IFT140: variants seen among roughly 807,000 people sequenced by gnomAD.
IFT140 encodes intraflagellar transport protein 140 homolog.
Under a neutral mutation model 164.6 loss-of-function variants are expected in IFT140, and 133 were observed. The observed-to-expected ratio is 0.81, with a 90% CI of 0.70 to 0.93. IFT140 has a LOEUF of 0.93. IFT140 is among the 40% of genes least tolerant of loss of function. IFT140 has a pLI of 0.00. For synonymous variants in IFT140, 860 were observed against 817.3 expected, an observed-to-expected ratio of 1.05 and a Z score of -0.89; for missense variants, 2,045 against 1,972.3, an observed-to-expected ratio of 1.04 and a Z score of -0.70.
At chr16:1,594,847 C>A (rs555266558) in intron 4 of IFT140, among the ~76,000 whole-genome samples, 1 of 152,324 alleles carries the variant, frequency 6.6e-6, no homozygotes, top group African/African-American at 2.4e-5. Context: ...CGCTTCCTGG[C>A]CCAAAACTGG....
At chr16:1,528,331 G>A (rs962985091) in intron 19 of IFT140, among the ~76,000 whole-genome samples, 30 of 102,778 alleles carry the variant, frequency 2.9e-4, no homozygotes, top group Non-Finnish European at 5.7e-4. Context: ...ATGCACGCAC[G>A]TGTGCACACA....
At chr16:1,560,761 A>T (rs543658498) in intron 18 of IFT140, among the ~76,000 whole-genome samples, 1 of 152,202 alleles carries the variant, frequency 6.6e-6, no homozygotes, top group Non-Finnish European at 1.5e-5. Context: ...AGAAAATTAG[A>T]AAAGTACAGA....
At chr16:1,512,580 G>A (rs1596284410) in intron 30 of IFT140, among the ~76,000 whole-genome samples, 1 of 152,134 alleles carries the variant, frequency 6.6e-6, no homozygotes, top group Non-Finnish European at 1.5e-5. Context: ...TAATTTTGAG[G>A]ATATAGCAGT....
At chr16:1,554,885 G>A (rs372363605) in intron 19 of IFT140, 6 of 1,614,106 alleles carry the variant, frequency 3.7e-6, no homozygotes, top group East Asian at 2.2e-5. Flanking sequence ...TTCTGGCCAC[G>A]CTGGCGGCAG....
intron 3 of IFT140, among the ~76,000 whole-genome samples, chr16:1,606,269 C>G (rs144595678): frequency 3.9e-5 from 6 of 152,234 alleles, no homozygotes; most frequent in Admixed American, 1.3e-4. Context: ...CCTCAGGATC[C>G]ACAAACAGCA....
chr16:1,521,875 A>G (rs1250863434), intron 26 of IFT140, among the ~76,000 whole-genome samples: 2 of 149,118 alleles, frequency 1.3e-5, no homozygotes, highest in Non-Finnish European at 3.0e-5. Flanking sequence ...AAAAAACAGT[A>G]ATAACCCACA....
chr16:1,606,975 CACAT>C, intron 3 of IFT140, 141 bp downstream of exon 3: 1 of 789,706 alleles, frequency 1.3e-6, no homozygotes. Context: ...CACACCAATA[CACAT>C]ACACGCACAC....
chr16:1,602,657 C>T, intron 3 of IFT140, 66 bp from the exon 4 acceptor site: 1 of 1,481,904 alleles, frequency 6.7e-7, no homozygotes, highest in East Asian at 2.3e-5. Context: ...GAACTTCTGT[C>T]TAGGCCGGGC....
Position 1,523,704 on chromosome 16 carries a change from C to T in IFT140, c.3271-4G>A, listed in dbSNP as rs200815296. The T allele has an allele frequency of 2.3e-4, 374 of 1,612,474 alleles. No individual in the cohort carries two copies. The highest frequency in any genetic ancestry group is 6.7e-4 in the Admixed American group (40 of 60,002). On this transcript the variant is annotated splice_polypyrimidine_tract_variant and splice_region_variant and intron_variant, in intron 25 of 30. Coordinates refer to ENST00000426508, the MANE Select transcript of IFT140 (RefSeq NM_014714.4). ...GGGCCTTGGAGAAGTGGCCAGCCTG[C>T]GGATACGGTGGGCTCTGAGCAGCTG...
At chr16:1,530,040 T>C (rs1454813548) in intron 19 of IFT140, among the ~76,000 whole-genome samples, 2 of 151,502 alleles carry the variant, frequency 1.3e-5, no homozygotes, top group East Asian at 3.9e-4. Context: ...GGGGCCTCAG[T>C]GCGTGAGGCG....
intron 19 of IFT140, among the ~76,000 whole-genome samples, chr16:1,542,506 C>G (rs570404688): frequency 2.0e-5 from 3 of 152,252 alleles, no homozygotes; most frequent in Non-Finnish European, 2.9e-5. Context: ...CTGGCCCTGA[C>G]CTTCCCAGCT....
chr16:1,602,374 TC>T lies in IFT140; in HGVS notation c.364del (p.Asp122ThrfsTer23). 1.2e-6 allele frequency: 2 copies of T among 1,613,954 alleles called. No individual in the cohort carries two copies. Among genetic ancestry groups the T allele is most frequent in the Non-Finnish European group, 1.7e-6 (2 of 1,179,810 alleles). On this transcript the variant is annotated frameshift_variant, in exon 4 of 31. Transcript: ENST00000426508. LOFTEE classifies it high-confidence loss of function. ...GTCTTGCGCGTGTTGACTCACCCTGTCCCCAGACAGCAGGCAGTTTCCACTG... is the reference window on the plus strand; with the variant it reads ...GTCTTGCGCGTGTTGACTCACCCTGTCCCAGACAGCAGGCAGTTTCCACTG... ...SPSGNCLLSG[D>X]RLGVLLLWRL...
Position 1,553,170 on chromosome 16 carries a change from C to A in IFT140, c.2399+4765G>T. 1.0e-6 allele frequency: 1 copy of A among 985,382 alleles called. No homozygotes were observed. Among genetic ancestry groups the A allele is most frequent in the South Asian group, 4.7e-5 (1 of 21,288 alleles). 61.0% of individuals were successfully genotyped at this position (985,382 alleles called of 1,614,324 possible). A position where few individuals can be genotyped will look rare whatever the true frequency, so the allele number is the denominator to read the frequency against. ...AGGAAAAACAAGGCTGGTTACCCAT[C>A]TCTTGCTCTCTGTCTCTCCTTCCCT... On this transcript the variant is annotated intron_variant, in intron 19 of 30. Coordinates refer to ENST00000426508, the MANE Select transcript of IFT140 (RefSeq NM_014714.4). This position sits in a 1 kb window ranked among gnomAD's most constrained non-coding sequence, Gnocchi z 4.4.
intron 30 of IFT140, chr16:1,512,987 A>C (rs1280481581): frequency 1.3e-5 from 2 of 152,136 alleles, no homozygotes; most frequent in Non-Finnish European, 2.9e-5. Context: ...CTTTCCTGTG[A>C]ATTCTGGAGG....
At chr16:1,536,970 G>T (rs2031136476) in intron 19 of IFT140, among the ~76,000 whole-genome samples, 1 of 152,270 alleles carries the variant, frequency 6.6e-6, no homozygotes, top group Non-Finnish European at 1.5e-5. Flanking sequence ...ACCTAGGCAG[G>T]CCTGGGAGTC....
At chr16:1,586,108 C>T (rs202193239) in intron 10 of IFT140, 22 bp downstream of exon 10, 92 of 1,608,526 alleles carry the variant, frequency 5.7e-5, no homozygotes, top group Middle Eastern at 1.6e-4. Context: ...ATGAGTGCAC[C>T]GAACACCCTT....
At chr16:1,589,021 G>A (rs1020213442) in intron 7 of IFT140, among the ~76,000 whole-genome samples, 6 of 152,198 alleles carry the variant, frequency 3.9e-5, no homozygotes, top group South Asian at 4.1e-4. Context: ...GTCACGTCAC[G>A]CAGTCCGTGG....
Position 1,606,585 on chromosome 16 carries a change from C to T in IFT140, c.147+535G>A, listed in dbSNP as rs575840015. ...AAGCGATTCTCCTGCCTCAGCCTCCCGAGTAGCTGGGATTACAAGCATGAG... is the reference window on the plus strand; with the variant it reads ...AAGCGATTCTCCTGCCTCAGCCTCCTGAGTAGCTGGGATTACAAGCATGAG... On this transcript the variant is annotated intron_variant, in intron 3 of 30. Coordinates refer to ENST00000426508, the MANE Select transcript of IFT140 (RefSeq NM_014714.4). Among the ~76,000 whole-genome samples, 7 of 152,252 alleles carry T rather than the reference C, an allele frequency of 4.6e-5. No individual in the cohort carries two copies. The South Asian group carries it at 1.2e-3, about 27-fold the overall frequency.
chr16:1,581,966 T>C (rs1245120723), intron 12 of IFT140, among the ~76,000 whole-genome samples: 4 of 151,844 alleles, frequency 2.6e-5, no homozygotes, highest in Non-Finnish European at 5.9e-5. Flanking sequence ...TAGTGATGGA[T>C]GTGCCTGAAG....
Sources: allele counts gnomAD v4.1 joint callset (sites outside exome capture counted in the v4.1 genomes callset), GRCh38; gene constraint gnomAD v4.1.1; non-coding constraint Gnocchi (gnomAD v3.1); transcripts MANE v1.5; gene names NCBI Gene and HGNC (gene_info 2026-07-23, HGNC 2026-07-21).